The following ADGRB3 variants were observed in gnomAD, a reference collection of about 807,000 sequenced individuals.
The protein encoded by ADGRB3 is adhesion G protein-coupled receptor B3, also known as brain-specific angiogenesis inhibitor 3.
Under a neutral mutation model 193.4 loss-of-function variants are expected in ADGRB3, and 37 were observed. The observed-to-expected ratio is 0.19, with a 90% confidence interval of 0.15 to 0.25. The LOEUF is 0.25. Among genes scored for constraint, ADGRB3 ranks in the 10% least tolerant of loss-of-function variants. ADGRB3 has a pLI of 1.00. For synonymous variants in ADGRB3, 690 were observed against 644.2 expected, an observed-to-expected ratio of 1.07 and a Z score of -1.08; for missense variants, 1,637 against 1,852.9, an observed-to-expected ratio of 0.88 and a Z score of 2.14.
rs13220126 is a variant in ADGRB3 at position 69,315,960 on chromosome 6, G to A, written c.2815-8912G>A. On this transcript the variant is annotated intron_variant, in intron 20 of 31. Transcript: ENST00000370598. ...AAGGGTTTCTAAATAGTATACTGAA[G>A]TGCTTCGCTTCAGTATTCTGTTTTT... Among the ~76,000 whole-genome samples, 1,084 of 151,362 alleles carry A rather than the reference G, an allele frequency of 7.2e-3. 6 individuals carry two copies. The highest frequency in any genetic ancestry group is 0.021 in the Middle Eastern group (6 of 288).
At chr6:68,661,208 A>G (rs1768622505) in intron 3 of ADGRB3, among the ~76,000 whole-genome samples, 1 of 148,918 alleles carries the variant, frequency 6.7e-6, no homozygotes, top group Non-Finnish European at 1.5e-5. Flanking sequence ...TAAATAGGGA[A>G]TATATTTAAT....
At chr6:68,835,748 A>G (rs1043461554) in intron 3 of ADGRB3, among the ~76,000 whole-genome samples, 1 of 152,058 alleles carries the variant, frequency 6.6e-6, no homozygotes, top group African/African-American at 2.4e-5. Flanking sequence ...TTTTTCTGTT[A>G]TGGATTCTTC....
chr6:68,728,660 C>T (rs1765718203), intron 3 of ADGRB3, among the ~76,000 whole-genome samples: 1 of 151,414 alleles, frequency 6.6e-6, no homozygotes, highest in Non-Finnish European at 1.5e-5. Flanking sequence ...TTTCATTCAT[C>T]CTGATAACAT....
intron 20 of ADGRB3, among the ~76,000 whole-genome samples, chr6:69,240,816 GT>G: frequency 6.6e-6 from 1 of 151,940 alleles, no homozygotes; most frequent in African/African-American, 2.4e-5. Context: ...TCATACACTG[GT>G]TAATACCTAT....
intron 23 of ADGRB3, chr6:69,332,516 G>T (rs751068932): frequency 1.0e-6 from 1 of 985,330 alleles, no homozygotes; most frequent in Non-Finnish European, 1.2e-6. Context: ...TGCTGCCAGG[G>T]CTCACCCTAA....
At chr6:68,753,561 G>T (rs1766242291) in intron 3 of ADGRB3, among the ~76,000 whole-genome samples, 1 of 152,080 alleles carries the variant, frequency 6.6e-6, no homozygotes, top group African/African-American at 2.4e-5. Flanking sequence ...TAGAAACTAG[G>T]GGCGGTCAGG....
chr6:68,986,368 G>T (rs1769072667), intron 10 of ADGRB3, among the ~76,000 whole-genome samples: 1 of 152,114 alleles, frequency 6.6e-6, no homozygotes, highest in African/African-American at 2.4e-5. Flanking sequence ...CATGATTCAT[G>T]CAGTGAAATT....
chr6:69,123,113 T>C (rs1224634827), intron 17 of ADGRB3, among the ~76,000 whole-genome samples: 1 of 152,026 alleles, frequency 6.6e-6, no homozygotes, highest in African/African-American at 2.4e-5. Context: ...TTCATTATTA[T>C]AGGTTTCTAA....
At chr6:68,701,714 A>G (rs1337140750) in intron 3 of ADGRB3, among the ~76,000 whole-genome samples, 3 of 152,146 alleles carry the variant, frequency 2.0e-5, no homozygotes, top group Non-Finnish European at 4.4e-5. Flanking sequence ...CAACAGGACC[A>G]AAACAGGTTC....
At chr6:69,327,933 A>G in intron 22 of ADGRB3, 44 bp downstream of exon 22, 2 of 1,536,324 alleles carry the variant, frequency 1.3e-6, no homozygotes, top group South Asian at 1.2e-5. Flanking sequence ...AATTTAACAA[A>G]TCATCAAAGA....
chr6:68,899,814 T>G (rs1020153747), intron 3 of ADGRB3, among the ~76,000 whole-genome samples: 18 of 152,008 alleles, frequency 1.2e-4, no homozygotes, highest in African/African-American at 4.1e-4. Flanking sequence ...AGAATTTTTC[T>G]AAGGTTTAAT....
At chr6:68,939,712 C>A (rs184675171) in intron 5 of ADGRB3, among the ~76,000 whole-genome samples, 106 of 152,174 alleles carry the variant, frequency 7.0e-4, no homozygotes, top group African/African-American at 2.3e-3. Context: ...TATGTACTTA[C>A]TTTGCAATCT....
intron 29 of ADGRB3, among the ~76,000 whole-genome samples, chr6:69,370,010 A>G (rs1582662473): frequency 6.6e-6 from 1 of 152,058 alleles, no homozygotes; most frequent in African/African-American, 2.4e-5. Flanking sequence ...CATCACAGGC[A>G]TTTTTACTGT....
chr6:68,835,259 G>A (rs911498392), intron 3 of ADGRB3, among the ~76,000 whole-genome samples: 7 of 152,058 alleles, frequency 4.6e-5, no homozygotes, highest in Admixed American at 3.3e-4. Flanking sequence ...GAGGGTCTAG[G>A]CGATTTGACT....
chr6:69,357,085 T>C (rs1339746341), intron 28 of ADGRB3, among the ~76,000 whole-genome samples: 1 of 152,072 alleles, frequency 6.6e-6, no homozygotes, highest in East Asian at 1.9e-4. Flanking sequence ...CAAGCCTTGT[T>C]TCATCCTTCA....
chr6:69,007,202 G>A (rs959520399), intron 11 of ADGRB3, among the ~76,000 whole-genome samples: 7 of 152,218 alleles, frequency 4.6e-5, no homozygotes, highest in East Asian at 1.9e-4. Context: ...GCAATCTGTC[G>A]TCATGTCATT....
chr6:69,087,078 T>C (rs1164074051), intron 17 of ADGRB3, among the ~76,000 whole-genome samples: 2 of 152,152 alleles, frequency 1.3e-5, no homozygotes, highest in Non-Finnish European at 2.9e-5. Context: ...TACACACATA[T>C]AGATCCTTTA....
intron 13 of ADGRB3, among the ~76,000 whole-genome samples, chr6:69,023,615 C>T (rs1363773626): frequency 6.6e-6 from 1 of 152,072 alleles, no homozygotes; most frequent in Non-Finnish European, 1.5e-5. Context: ...ATTCATGGTT[C>T]TGAATTCTAA....
chr6:69,246,129 G>A (rs989757936), intron 20 of ADGRB3, among the ~76,000 whole-genome samples: 2 of 152,016 alleles, frequency 1.3e-5, no homozygotes, highest in Non-Finnish European at 2.9e-5. Flanking sequence ...CTGAAAACTA[G>A]CAAAAGTTAA....
Sources: allele counts gnomAD v4.1 joint callset (sites outside exome capture counted in the v4.1 genomes callset), GRCh38; gene constraint gnomAD v4.1.1; transcripts MANE v1.5; gene names NCBI Gene and HGNC (gene_info 2026-07-23, HGNC 2026-07-21).